The following FNBP1 variants were observed in gnomAD, a reference collection of about 807,000 sequenced individuals.
FNBP1 encodes the protein formin binding protein 1.
Under a neutral mutation model 90.6 loss-of-function variants are expected in FNBP1, and 26 were observed. The observed-to-expected ratio is 0.29, with a 90% CI of 0.21 to 0.40. The LOEUF is 0.40. Ranked by LOEUF, FNBP1 falls within the 10% of genes least tolerant of loss-of-function variation. The pLI is 1.00. For missense variants in FNBP1, 635 were observed against 768.0 expected (o/e 0.83, Z 2.05); for synonymous variants, 260 against 265.2 (o/e 0.98, Z 0.19).
At chr9:130,022,728 A>G (rs1282234987) in intron 1 of FNBP1, among the ~76,000 whole-genome samples, 1 of 152,030 alleles carries the variant, frequency 6.6e-6, no homozygotes, top group Non-Finnish European at 1.5e-5. Flanking sequence ...GCTGGTGTGC[A>G]GTGGCTCAAT....
In FNBP1 at chr9:129,887,840, C is replaced by T. The variant is rs769843446; in HGVS notation, c.*2699G>A. On this transcript the variant is annotated 3_prime_UTR_variant, in exon 17 of 17. Transcript: ENST00000446176. ...GTGGCGAAGTGACAGGCGGCAGATA[C>T]GGGGGAGGAAGGAGACGTTCACGGG... The T allele has an allele frequency of 2.2e-5, 5 of 230,588 alleles. No homozygotes were observed. The highest frequency in any genetic ancestry group is 8.6e-6 in the Non-Finnish European group (1 of 116,498). 14.3% of individuals were successfully genotyped at this position (230,588 alleles called of 1,614,324 possible). A position where few individuals can be genotyped will look rare whatever the true frequency, so the allele number is the denominator to read the frequency against.
intron 6 of FNBP1, among the ~76,000 whole-genome samples, chr9:129,944,004 A>AAAAAAAC (rs2044778270): frequency 2.0e-5 from 3 of 150,258 alleles, no homozygotes; most frequent in Non-Finnish European, 1.5e-5. Flanking sequence ...AAAAAAAAAA[A>AAAAAAAC]AAAAACCTGC....
chr9:129,923,901 G>C lies in FNBP1; in HGVS notation c.1113C>G (p.Phe371Leu). ...TGGGTTTGGAGGTCATGAACTCGTT[G>C]AAGCGATGGGAGAGGGGTTCCTTTT... The part of the protein sequence containing the change: ...KQQKEPLSHR[F>L]NEFMTSKPKI... The change falls in exon 10 of 17, where the codon TTC becomes TTG. Residue 371 changes from phenylalanine (F) to leucine (L), a missense_variant. Coordinates refer to ENST00000446176, the MANE Select transcript of FNBP1 (RefSeq NM_015033.3). 6.2e-7 allele frequency: 1 copy of C among 1,603,268 alleles called. No homozygotes were observed. Among genetic ancestry groups the C allele is most frequent in the Non-Finnish European group, 8.5e-7 (1 of 1,175,956 alleles).
chr9:130,034,060 A>T (rs1413769982), intron 1 of FNBP1, among the ~76,000 whole-genome samples: 3 of 139,382 alleles, frequency 2.2e-5, no homozygotes, highest in African/African-American at 5.4e-5. Flanking sequence ...GGTGGCTCAC[A>T]CCTGTAATCC....
At chr9:129,909,196 C>T (rs984445943) in intron 11 of FNBP1, 197 bp from the exon 12 acceptor site, 14 of 608,172 alleles carry the variant, frequency 2.3e-5, no homozygotes, top group Admixed American at 8.3e-5. Context: ...ATAAACCATT[C>T]CCAGTTCCAT....
At chr9:129,975,148 G>A (rs2050107970) in intron 4 of FNBP1, among the ~76,000 whole-genome samples, 1 of 152,248 alleles carries the variant, frequency 6.6e-6, no homozygotes, top group Non-Finnish European at 1.5e-5. Context: ...GAACCCAGAA[G>A]GCGGAGGCTG....
chr9:129,942,773 G>C (rs2132371800), intron 6 of FNBP1, among the ~76,000 whole-genome samples: 1 of 151,656 alleles, frequency 6.6e-6, no homozygotes, highest in African/African-American at 2.4e-5. Flanking sequence ...TTCCAGTGTA[G>C]GTTTTTTGAG....
At chr9:129,985,060 G>C (rs2131052889) in intron 2 of FNBP1, among the ~76,000 whole-genome samples, 1 of 152,174 alleles carries the variant, frequency 6.6e-6, no homozygotes, top group Middle Eastern at 3.4e-3. Flanking sequence ...AGAAATGACA[G>C]AGCTCAGAGT....
intron 4 of FNBP1, among the ~76,000 whole-genome samples, chr9:129,961,302 A>C (rs1008932228): frequency 1.3e-5 from 2 of 151,844 alleles, no homozygotes; most frequent in African/African-American, 4.8e-5. Flanking sequence ...ACAGATAGAG[A>C]CTCCATCTCA....
intron 6 of FNBP1, among the ~76,000 whole-genome samples, chr9:129,943,233 T>G (rs901743125): frequency 6.6e-6 from 1 of 152,180 alleles, no homozygotes; most frequent in Non-Finnish European, 1.5e-5. Context: ...CAGACCTTTT[T>G]CAGATGCAGA....
chr9:129,941,086 T>A (rs1379683900), intron 6 of FNBP1, among the ~76,000 whole-genome samples: 2 of 152,022 alleles, frequency 1.3e-5, no homozygotes, highest in African/African-American at 4.8e-5. Context: ...TACAAAGAAA[T>A]GCTATTAAAT....
At chr9:129,956,144 G>A (rs2046906916) in intron 6 of FNBP1, among the ~76,000 whole-genome samples, 1 of 151,794 alleles carries the variant, frequency 6.6e-6, no homozygotes, top group South Asian at 2.1e-4. Context: ...TGAGTCTAGG[G>A]GTATGTGCCA....
chr9:129,920,394 T>C (rs1000520530), intron 10 of FNBP1, among the ~76,000 whole-genome samples: 83 of 152,056 alleles, frequency 5.5e-4, no homozygotes, highest in Admixed American at 3.3e-4. Flanking sequence ...CTCTGCCTCC[T>C]GGGTTCAAGT....
At chr9:129,991,081 C>T (rs2053072851) in intron 2 of FNBP1, among the ~76,000 whole-genome samples, 1 of 151,492 alleles carries the variant, frequency 6.6e-6, no homozygotes, top group African/African-American at 2.4e-5. Context: ...TTACAGGCGC[C>T]CACCACCACG....
chr9:130,032,406 A>C (rs2058885136), intron 1 of FNBP1, among the ~76,000 whole-genome samples: 1 of 152,162 alleles, frequency 6.6e-6, no homozygotes, highest in African/African-American at 2.4e-5. Context: ...CCTGAGTTCA[A>C]GCTATCCTCT....
At chr9:129,906,097 G>C (rs980809071) in intron 12 of FNBP1, among the ~76,000 whole-genome samples, 8 of 151,762 alleles carry the variant, frequency 5.3e-5, no homozygotes, top group Non-Finnish European at 1.0e-4. Flanking sequence ...TGGTCAGGCT[G>C]GTGTTGAACT....
chr9:129,995,143 G>A lies in FNBP1; in HGVS notation c.25-185C>T, dbSNP rs527882953. Reference sequence around the variant, plus strand: ...CATTACCAAATTTGGTTTGAAAACCGCCTGGAGTACTGAACTCTGACCTAT... The same window carrying A: ...CATTACCAAATTTGGTTTGAAAACCACCTGGAGTACTGAACTCTGACCTAT... On this transcript the variant is annotated intron_variant, in intron 1 of 16. Transcript: ENST00000446176. Among the ~76,000 whole-genome samples, 4 of 152,194 alleles carry A rather than the reference G, an allele frequency of 2.6e-5. No individual in the cohort carries two copies. The South Asian group carries it at 6.2e-4, about 24-fold the overall frequency.
At chr9:129,977,655 C>T (rs577593953) in intron 4 of FNBP1, among the ~76,000 whole-genome samples, 2 of 152,028 alleles carry the variant, frequency 1.3e-5, no homozygotes, top group Admixed American at 6.6e-5. Flanking sequence ...CCACGCCCAG[C>T]TAGTTTTTAT....
intron 1 of FNBP1, among the ~76,000 whole-genome samples, chr9:130,008,563 G>A (rs1412380212): frequency 1.3e-5 from 2 of 152,102 alleles, no homozygotes; most frequent in Non-Finnish European, 2.9e-5. Flanking sequence ...GCAAAATCTT[G>A]CTCTTTATAA....
Sources: gnomAD v4.1 joint callset for allele counts (sites outside exome capture counted in the v4.1 genomes callset) on GRCh38, gnomAD v4.1.1 for gene constraint, MANE v1.5 for transcripts, NCBI Gene and HGNC (gene_info 2026-07-23, HGNC 2026-07-21) for gene names.